CLIP1: variants seen among roughly 807,000 people sequenced by gnomAD.
The protein encoded by CLIP1 is CAP-Gly domain-containing linker protein 1.
CLIP1 carries 66 observed loss-of-function variants against 161.6 expected under a neutral mutation model. The ratio of observed to expected loss-of-function variants is 0.41; its 90% CI spans 0.33 to 0.50. CLIP1 has a LOEUF of 0.50. Ranked by LOEUF, CLIP1 falls within the 20% of genes least tolerant of loss-of-function variation. The pLI is 0.27. For synonymous variants in CLIP1, 598 were observed against 626.2 expected (o/e 0.96, Z 0.67); for missense variants, 1,376 against 1,702.0 (o/e 0.81, Z 3.37).
chr12:122,400,237 G>A (rs1956094834), intron 1 of CLIP1: 1 of 151,920 alleles, frequency 6.6e-6, no homozygotes, highest in African/African-American at 2.4e-5. Flanking sequence ...TGTATATACA[G>A]AAGAGACTGA....
chr12:122,416,642 T>G (rs1244593423), intron 1 of CLIP1, among the ~76,000 whole-genome samples: 1 of 152,160 alleles, frequency 6.6e-6, no homozygotes, highest in Non-Finnish European at 1.5e-5. Context: ...GGCTCACACC[T>G]GTAATCCCAG....
At chr12:122,390,303 T>TATAC (rs1460099334) in intron 1 of CLIP1, among the ~76,000 whole-genome samples, 1 of 131,432 alleles carries the variant, frequency 7.6e-6, no homozygotes, top group African/African-American at 2.9e-5. Flanking sequence ...TATATATATA[T>TATAC]GTATATATAT....
At chr12:122,383,063 A>G (rs1955076767) in intron 1 of CLIP1, among the ~76,000 whole-genome samples, 1 of 152,190 alleles carries the variant, frequency 6.6e-6, no homozygotes, top group African/African-American at 2.4e-5. Context: ...GACTCAGCCA[A>G]CAACGACCAT....
intron 24 of CLIP1, chr12:122,276,366 T>C (rs2136203765): frequency 1.3e-6 from 1 of 748,912 alleles, no homozygotes; most frequent in Non-Finnish European, 1.7e-6. Flanking sequence ...AAAATGGACA[T>C]AAGTATAGTG....
At chr12:122,391,090 C>A (rs1046628367) in intron 1 of CLIP1, among the ~76,000 whole-genome samples, 22 of 152,164 alleles carry the variant, frequency 1.4e-4, no homozygotes, top group Admixed American at 3.3e-4. Context: ...CAGTTTGAGA[C>A]CAGCCTGGCC....
rs148141696 is a variant in CLIP1, at chr12:122,308,671, T to G, written c.3594+1091A>C. Among the ~76,000 whole-genome samples, 55 of 152,342 alleles carry G rather than the reference T, an allele frequency of 3.6e-4. No homozygotes were observed. In the East Asian group the frequency reaches 9.2e-3, roughly 26 times the overall value. On this transcript the variant is annotated intron_variant, in intron 20 of 25. Transcript: ENST00000620786. ...ATAATAGTGCTATTGCTTAGAATTA[T>G]GGCAAGGACTGCGATGACAGCTAGC...
At position 122,394,649 on chromosome 12, in the gene CLIP1, AG is replaced by A. The variant is rs1202176794; in HGVS notation, c.-106-14092del. ...ATGCCTGTAATCCCAGCATTTTGGG[AG>A]GCCGAGGTGGACGGATCACGAGATC... On this transcript the variant is annotated intron_variant, in intron 1 of 25. Transcript: ENST00000620786. Among the ~76,000 whole-genome samples the A allele has an allele frequency of 3.3e-5, 5 of 151,810 alleles. No individual in the cohort carries two copies. The East Asian group carries it at 9.7e-4, about 29-fold the overall frequency.
intron 10 of CLIP1, chr12:122,343,031 A>G (rs1952575873): frequency 6.6e-6 from 1 of 152,042 alleles, no homozygotes; most frequent in Non-Finnish European, 1.5e-5. Context: ...TCTATTGGAC[A>G]GCACTTGCAT....
chr12:122,333,005 T>A lies in CLIP1; in HGVS notation c.2849A>T (p.Glu950Val). Residue 950 changes from glutamate (E) to valine (V), a missense_variant, in exon 15 of 26, where the codon GAA becomes GTA. Coordinates refer to ENST00000620786, the MANE Select transcript of CLIP1 (RefSeq NM_001247997.2). ...CATATACCTTTCTTTCAGACGTAAT[T>A]CATCGTTCATTTTTGTCAGCTGAGA... is the stretch of plus-strand genomic sequence containing the variant. ...NSSQLTKMNDELRLKERDVEE... is the reference protein window; with the variant it reads ...NSSQLTKMNDVLRLKERDVEE... 9 of 1,613,614 alleles carry A rather than the reference T, an allele frequency of 5.6e-6. No individual in the cohort carries two copies. The highest frequency in any genetic ancestry group is 7.6e-6 in the Non-Finnish European group (9 of 1,179,830).
At chr12:122,366,430 T>C (rs1266963166) in intron 3 of CLIP1, among the ~76,000 whole-genome samples, 3 of 151,816 alleles carry the variant, frequency 2.0e-5, no homozygotes, top group Non-Finnish European at 4.4e-5. Context: ...CAGTGAGCCA[T>C]GATCACACCA....
chr12:122,281,477 A>C (rs1955642769), intron 21 of CLIP1, among the ~76,000 whole-genome samples: 1 of 152,068 alleles, frequency 6.6e-6, no homozygotes, highest in African/African-American at 2.4e-5. Context: ...GCTTGAGGCC[A>C]GGAGTTCGAG....
chr12:122,273,942 G>C (rs1414467319), intron 25 of CLIP1, 96 bp downstream of exon 25: 16 of 988,406 alleles, frequency 1.6e-5, no homozygotes, highest in Non-Finnish European at 2.3e-5. Context: ...GTGTTGGCCA[G>C]GCTGGTCTCG....
At chr12:122,343,572 CT>C (rs1395742492) in intron 10 of CLIP1, 1 of 152,228 alleles carries the variant, frequency 6.6e-6, no homozygotes, top group East Asian at 1.9e-4. Context: ...CCCTAACCCC[CT>C]AACCCAGTGG....
At chr12:122,283,489 C>T (rs866061723) in intron 21 of CLIP1, among the ~76,000 whole-genome samples, 1 of 144,942 alleles carries the variant, frequency 6.9e-6, no homozygotes, top group Non-Finnish European at 1.5e-5. Flanking sequence ...GATGGAATCT[C>T]GCTCTGTTGC....
At chr12:122,320,954 T>C (rs1008681050) in intron 17 of CLIP1, among the ~76,000 whole-genome samples, 1 of 151,468 alleles carries the variant, frequency 6.6e-6, no homozygotes, top group Non-Finnish European at 1.5e-5. Flanking sequence ...GTGATCCGCC[T>C]GCAACAGCCT....
chr12:122,401,522 A>C (rs532566366), intron 1 of CLIP1, among the ~76,000 whole-genome samples: 3 of 152,158 alleles, frequency 2.0e-5, no homozygotes, highest in South Asian at 2.1e-4. Flanking sequence ...AAAATCAGCC[A>C]GGCGGCGTGG....
Position 122,273,115 on chromosome 12 carries a change from G to A in CLIP1, c.4092-15C>T, listed in dbSNP as rs1364608697. ...CCTGATCATCACTACAAATGTTAATGTGTGAAATCAGAAAATTTATCAGAA... is the reference window on the plus strand; with the variant it reads ...CCTGATCATCACTACAAATGTTAATATGTGAAATCAGAAAATTTATCAGAA... On this transcript the variant is annotated splice_polypyrimidine_tract_variant and intron_variant, in intron 25 of 25. Transcript: ENST00000620786. 3 of 1,597,296 alleles carry A rather than the reference G, an allele frequency of 1.9e-6. No individual in the cohort carries two copies. The highest frequency in any genetic ancestry group is 1.7e-5 in the Admixed American group (1 of 58,800).
At chr12:122,414,387 C>T (rs1263655299) in intron 1 of CLIP1, among the ~76,000 whole-genome samples, 1 of 151,932 alleles carries the variant, frequency 6.6e-6, no homozygotes, top group East Asian at 1.9e-4. Context: ...TGGACTCAAG[C>T]GATCCTCCTG....
At chr12:122,407,359 T>C (rs1460189355) in intron 1 of CLIP1, among the ~76,000 whole-genome samples, 1 of 152,042 alleles carries the variant, frequency 6.6e-6, no homozygotes, top group Non-Finnish European at 1.5e-5. Flanking sequence ...GATGAATAAA[T>C]GTTTCTAAAT....
Sources: gnomAD v4.1 joint callset for allele counts (sites outside exome capture counted in the v4.1 genomes callset) on GRCh38, gnomAD v4.1.1 for gene constraint, MANE v1.5 for transcripts, NCBI Gene and HGNC (gene_info 2026-07-23, HGNC 2026-07-21) for gene names.